The following SLC4A4 variants were observed in gnomAD, a reference collection of about 807,000 sequenced individuals.
The protein encoded by SLC4A4 is electrogenic sodium bicarbonate cotransporter 1.
In SLC4A4, 27 loss-of-function variants were observed where a neutral mutation model predicts 111.5. That is an observed-to-expected ratio of 0.24 (90% CI 0.18 to 0.33). The LOEUF (loss-of-function observed/expected upper bound fraction) is 0.33, where lower values mean the gene tolerates loss of function less well. Among genes scored for constraint, SLC4A4 ranks in the 10% least tolerant of loss-of-function variants. The pLI, the probability that SLC4A4 is intolerant of heterozygous loss-of-function variation, is 1.00. For missense variants in SLC4A4, 909 were observed against 1,315.5 expected (o/e 0.69, Z 4.78); for synonymous variants, 443 against 463.4 (o/e 0.96, Z 0.57).
intron 3 of SLC4A4, among the ~76,000 whole-genome samples, chr4:71,267,505 G>C (rs1266092319): frequency 6.6e-6 from 1 of 152,160 alleles, no homozygotes; most frequent in Non-Finnish European, 1.5e-5. Flanking sequence ...TCATTGAGGA[G>C]AGTTCCATCT....
chr4:71,425,972 A>G (rs749129909), intron 7 of SLC4A4, among the ~76,000 whole-genome samples: 1 of 152,088 alleles, frequency 6.6e-6, no homozygotes, highest in Non-Finnish European at 1.5e-5. Context: ...TCTCTATAGA[A>G]TGTCAATTAT....
At chr4:71,083,032 T>G (rs2148935489) in intron 1 of SLC4A4, among the ~76,000 whole-genome samples, 1 of 152,016 alleles carries the variant, frequency 6.6e-6, no homozygotes, top group African/African-American at 2.4e-5. Context: ...TTTTGTATTT[T>G]AGTAGAGACG....
intron 1 of SLC4A4, among the ~76,000 whole-genome samples, chr4:71,198,478 A>G (rs1746106946): frequency 6.6e-6 from 1 of 152,186 alleles, no homozygotes; most frequent in Non-Finnish European, 1.5e-5. Flanking sequence ...TGTAACTGGG[A>G]AGGGTCTAGA....
chr4:71,096,798 T>C (rs560807961), intron 2 of SLC4A4, among the ~76,000 whole-genome samples: 36 of 152,164 alleles, frequency 2.4e-4, no homozygotes, highest in Middle Eastern at 6.8e-3. Context: ...CTGAAATGAG[T>C]CCACTGGATT....
At chr4:71,322,369 A>G (rs1338481200) in intron 3 of SLC4A4, among the ~76,000 whole-genome samples, 1 of 151,968 alleles carries the variant, frequency 6.6e-6, no homozygotes, top group Non-Finnish European at 1.5e-5. Flanking sequence ...CAGAGAGTCT[A>G]TAGGAAGGAG....
chr4:71,143,528 A>T (rs1460195270), intron 2 of SLC4A4, among the ~76,000 whole-genome samples: 2 of 152,174 alleles, frequency 1.3e-5, no homozygotes, highest in Non-Finnish European at 2.9e-5. Context: ...CACCACACCG[A>T]CTTCCACAAT....
intron 7 of SLC4A4, among the ~76,000 whole-genome samples, chr4:71,422,676 G>A (rs1021618320): frequency 2.0e-5 from 3 of 151,372 alleles, no homozygotes; most frequent in Admixed American, 6.6e-5. Context: ...TGCATGGCTG[G>A]TTCAATATAC....
chr4:71,160,226 T>C (rs1744582913), intron 2 of SLC4A4, among the ~76,000 whole-genome samples: 4 of 152,184 alleles, frequency 2.6e-5, no homozygotes, highest in Admixed American at 2.6e-4. Flanking sequence ...CTAATCTTAC[T>C]CATGACCCAA....
At chr4:71,281,473 C>A (rs1403759959) in intron 3 of SLC4A4, among the ~76,000 whole-genome samples, 1 of 152,106 alleles carries the variant, frequency 6.6e-6, no homozygotes, top group Non-Finnish European at 1.5e-5. Flanking sequence ...GTATGAGCCC[C>A]GGTTTTCTCC....
At chr4:71,113,586 G>T (rs373993885) in intron 2 of SLC4A4, among the ~76,000 whole-genome samples, 1 of 152,146 alleles carries the variant, frequency 6.6e-6, no homozygotes. Context: ...ACTGGACTCT[G>T]TTCCCTTTCC....
chr4:71,534,561 C>T (rs531047243), intron 18 of SLC4A4, among the ~76,000 whole-genome samples, 173 bp downstream of exon 18: 1 of 150,722 alleles, frequency 6.6e-6, no homozygotes, highest in South Asian at 2.1e-4. Flanking sequence ...CAATATAACA[C>T]TTTAGGGAGA....
At position 71,570,276 on chromosome 4, in the gene SLC4A4, T is replaced by C. The variant is rs1455976461; in HGVS notation, c.*2525T>C. The C allele has an allele frequency of 2.6e-5, 4 of 151,878 alleles. No homozygotes were observed. In the East Asian group the frequency reaches 5.9e-4, roughly 22 times the overall value. 9.4% of individuals were successfully genotyped at this position (151,878 alleles called of 1,614,324 possible). A position where few individuals can be genotyped will look rare whatever the true frequency, so the allele number is the denominator to read the frequency against. On this transcript the variant is annotated 3_prime_UTR_variant, in exon 26 of 26. Coordinates refer to ENST00000264485, the MANE Select transcript of SLC4A4 (RefSeq NM_001098484.3). Reference sequence around the variant, plus strand: ...TAGAGGTAAAACCTATGTGTACTTCTGTTTATGATCCATATTGATATTTAT... The same window carrying C: ...TAGAGGTAAAACCTATGTGTACTTCCGTTTATGATCCATATTGATATTTAT...
At chr4:71,457,835 T>C (rs1726429673) in intron 12 of SLC4A4, among the ~76,000 whole-genome samples, 1 of 152,110 alleles carries the variant, frequency 6.6e-6, no homozygotes, top group Admixed American at 6.6e-5. Context: ...AATTCATCGA[T>C]GTGCAAATCT....
intron 13 of SLC4A4, 102 bp downstream of exon 13, chr4:71,466,679 A>G: frequency 1.7e-6 from 2 of 1,189,240 alleles, no homozygotes; most frequent in Non-Finnish European, 2.5e-6. Context: ...TCCAAGAATC[A>G]CTCAGAATAC....
intron 2 of SLC4A4, among the ~76,000 whole-genome samples, chr4:71,180,761 T>G (rs925113060): frequency 3.9e-5 from 6 of 152,158 alleles, no homozygotes; most frequent in Admixed American, 3.9e-4. Flanking sequence ...GGGACTAAAC[T>G]AATTCAACCA....
chr4:71,347,432 C>G (rs949733827), intron 4 of SLC4A4, among the ~76,000 whole-genome samples: 1 of 152,138 alleles, frequency 6.6e-6, no homozygotes, highest in African/African-American at 2.4e-5. Context: ...AAGACATTGT[C>G]AGATTCAGTG....
intron 1 of SLC4A4, among the ~76,000 whole-genome samples, chr4:71,207,913 C>T (rs574210301): frequency 2.3e-4 from 35 of 152,280 alleles, no homozygotes; most frequent in African/African-American, 7.5e-4. Flanking sequence ...CTTAGGCTCA[C>T]GTGATCCTCC....
At chr4:71,440,100 ATTTCTT>A (rs1724581279) in intron 7 of SLC4A4, among the ~76,000 whole-genome samples, 1 of 151,924 alleles carries the variant, frequency 6.6e-6, no homozygotes, top group South Asian at 2.1e-4. Flanking sequence ...TGTCAAATGT[ATTTCTT>A]CAGAGGCCTT....
At chr4:71,247,805 G>A (rs963648873) in intron 2 of SLC4A4, among the ~76,000 whole-genome samples, 1 of 152,078 alleles carries the variant, frequency 6.6e-6, no homozygotes, top group Non-Finnish European at 1.5e-5. Context: ...GTCGGGATAA[G>A]TGGAGGGTTC....
Sources: gnomAD v4.1 joint callset for allele counts (sites outside exome capture counted in the v4.1 genomes callset) on GRCh38, gnomAD v4.1.1 for gene constraint, MANE v1.5 for transcripts, NCBI Gene and HGNC (gene_info 2026-07-23, HGNC 2026-07-21) for gene names.